Variants in TNFRSF1B observed in about 807,000 individuals in gnomAD.
The protein encoded by TNFRSF1B is tumor necrosis factor receptor superfamily member 1B.
A neutral mutation model predicts 44.6 loss-of-function variants in TNFRSF1B; 19 were observed. That is an observed-to-expected ratio of 0.43 (90% CI 0.30 to 0.62). TNFRSF1B has a LOEUF of 0.62. Among genes scored for constraint, TNFRSF1B ranks in the 20% least tolerant of loss-of-function variants. TNFRSF1B has a pLI of 0.16. For missense variants in TNFRSF1B, 541 were observed against 619.9 expected (o/e 0.87, Z 1.35); for synonymous variants, 252 against 261.1 (o/e 0.97, Z 0.34).
At chr1:12,174,193 T>C (rs1638595690) in intron 1 of TNFRSF1B, among the ~76,000 whole-genome samples, 1 of 116,880 alleles carries the variant, frequency 8.6e-6, no homozygotes, top group Non-Finnish European at 1.8e-5. Context: ...TCCTTCTCCT[T>C]CTCCTTCTCC....
At chr1:12,193,196 G>A (rs1639189997) in intron 6 of TNFRSF1B, 98 bp downstream of exon 6, 2 of 1,126,606 alleles carry the variant, frequency 1.8e-6, no homozygotes, top group Non-Finnish European at 2.6e-6. Flanking sequence ...AGCCCACGGG[G>A]GGCTGGACCC....
intron 3 of TNFRSF1B, 87 bp from the exon 4 acceptor site, chr1:12,191,687 C>T (rs1472615424): frequency 6.4e-7 from 1 of 1,563,066 alleles, no homozygotes; most frequent in Non-Finnish European, 8.7e-7. Context: ...TGGAGATCCG[C>T]TGTCTGAGAG....
chr1:12,173,604 G>A (rs1248423838), intron 1 of TNFRSF1B, among the ~76,000 whole-genome samples: 1 of 152,178 alleles, frequency 6.6e-6, no homozygotes, highest in Non-Finnish European at 1.5e-5. Context: ...CCTTACTGTA[G>A]GCAGGCGCTG....
At chr1:12,167,764 C>T (rs111314380) in intron 1 of TNFRSF1B, among the ~76,000 whole-genome samples, 5 of 152,318 alleles carry the variant, frequency 3.3e-5, no homozygotes, top group African/African-American at 1.2e-4. Context: ...TCCTCCGATG[C>T]GTCCGGGGGC....
rs56143124 is a variant in TNFRSF1B, at chr1:12,189,759, C to T, written c.178+864C>T. Among the ~76,000 whole-genome samples, 1,178 of 152,180 alleles carry T rather than the reference C, an allele frequency of 7.7e-3. 18 individuals are homozygous for T. The highest frequency in any genetic ancestry group is 0.027 in the African/African-American group (1,113 of 41,518). On this transcript the variant is annotated intron_variant, in intron 2 of 9. Coordinates refer to ENST00000376259, the MANE Select transcript of TNFRSF1B (RefSeq NM_001066.3). ...TGTAGAAAGACAAGGTCAGGTAAGG[C>T]GGGGGAGACAGAACGGGACATACTG...
At chr1:12,176,309 T>G (rs930251848) in intron 1 of TNFRSF1B, among the ~76,000 whole-genome samples, 24 of 152,326 alleles carry the variant, frequency 1.6e-4, no homozygotes, top group Admixed American at 9.2e-4. Context: ...AAAGGTTTGT[T>G]GGGGACAGTG....
chr1:12,193,164 C>T (rs760848007), intron 6 of TNFRSF1B, 66 bp downstream of exon 6: 1 of 1,427,060 alleles, frequency 7.0e-7, no homozygotes, highest in Non-Finnish European at 9.7e-7. Context: ...TCTCTTTCTT[C>T]CTCTCCCATG....
Position 12,171,540 on chromosome 1 carries a change from C to T in TNFRSF1B, c.78+4371C>T, listed in dbSNP as rs1638523877. 6.6e-6 allele frequency among the ~76,000 whole-genome samples: 1 copy of T among 152,210 alleles called. No individual in the cohort carries two copies. Among genetic ancestry groups the T allele is most frequent in the Non-Finnish European group, 1.5e-5 (1 of 68,044 alleles). ...CTGCTTTGTATTCCTGTATAATGCT[C>T]TTGACCTATTCTATTTATTTCACTT... On this transcript the variant is annotated intron_variant, in intron 1 of 9. Coordinates refer to ENST00000376259, the MANE Select transcript of TNFRSF1B (RefSeq NM_001066.3). This position sits in a 1 kb window ranked among gnomAD's most constrained non-coding sequence, Gnocchi z 4.5.
intron 9 of TNFRSF1B, among the ~76,000 whole-genome samples, chr1:12,203,783 T>C (rs1272862373): frequency 6.6e-6 from 1 of 152,178 alleles, no homozygotes; most frequent in Non-Finnish European, 1.5e-5. Context: ...AGTGGCGCAG[T>C]CTTGGCTGAC....
At position 12,188,907 on chromosome 1, in the gene TNFRSF1B, CA is replaced by C. The variant is rs112131423; in HGVS notation, c.178+13del. On this transcript the variant is annotated intron_variant, in intron 2 of 9. Transcript: ENST00000376259. Reference sequence around the variant, plus strand: ...CAAATGCTCGCCGGGTGAGGGCAGCCACGGGGGCACTCGGGGCCCATGCCCT... The same window carrying C: ...CAAATGCTCGCCGGGTGAGGGCAGCCCGGGGGCACTCGGGGCCCATGCCCT... 137 of 1,611,060 alleles carry C rather than the reference CA, an allele frequency of 8.5e-5. No individual in the cohort carries two copies. In the African/African-American group the frequency reaches 1.4e-3, roughly 17 times the overall value.
chr1:12,207,268 C>T lies in TNFRSF1B; in HGVS notation c.*248C>T, dbSNP rs114236595. On this transcript the variant is annotated 3_prime_UTR_variant, in exon 10 of 10. Transcript: ENST00000376259. ...TCTCGGAAGGCTGGCTGGGCATGGA[C>T]GTTCGGGGCATGCTGGGGCAAGTCC... The T allele has an allele frequency of 2.4e-5, 10 of 416,744 alleles. No individual in the cohort carries two copies. The highest frequency in any genetic ancestry group is 8.1e-5 in the African/African-American group (4 of 49,352). The allele number at this position is 416,744 out of a possible 1,614,324, so 25.8% of individuals were successfully genotyped here. A position where few individuals can be genotyped will look rare whatever the true frequency, so the allele number is the denominator to read the frequency against.
chr1:12,175,725 T>C (rs1216591375), intron 1 of TNFRSF1B, among the ~76,000 whole-genome samples: 9 of 152,258 alleles, frequency 5.9e-5, no homozygotes, highest in Admixed American at 3.3e-4. Flanking sequence ...TCCCACCCCT[T>C]GGCTCAATTT....
rs61185238 is a variant in TNFRSF1B at position 12,171,176 on chromosome 1, CTTTT to C, written c.78+4021_78+4024del. Reference sequence around the variant, plus strand: ...TGCCACCATGCCCGGCTAATTTTTCCTTTTTTTTTTTTTTTTTAGTAGAGACCGG... The same window carrying C: ...TGCCACCATGCCCGGCTAATTTTTCCTTTTTTTTTTTTTAGTAGAGACCGG... On this transcript the variant is annotated intron_variant, in intron 1 of 9. Transcript: ENST00000376259. This position sits in a 1 kb window ranked among gnomAD's most constrained non-coding sequence, Gnocchi z 4.5. Among the ~76,000 whole-genome samples the C allele has an allele frequency of 1.5e-5, 2 of 137,422 alleles. No individual in the cohort carries two copies. The highest frequency in any genetic ancestry group is 1.6e-5 in the Non-Finnish European group (1 of 62,820). 90.2% of individuals were successfully genotyped at this position (137,422 alleles called of 152,430 possible).
At chr1:12,174,122 T>TTTCTTCTTCTTCTTCTTC (rs541359943) in intron 1 of TNFRSF1B, among the ~76,000 whole-genome samples, 718 of 66,738 alleles carry the variant, frequency 0.011, 50 homozygotes, top group South Asian at 0.017. Flanking sequence ...TGAGACTCCA[T>TTTCTTCTTCTTCTTCTTC]TTCTTCTTCT....
intron 1 of TNFRSF1B, among the ~76,000 whole-genome samples, chr1:12,183,032 C>T (rs943391249): frequency 1.2e-3 from 186 of 152,364 alleles, no homozygotes; most frequent in African/African-American, 4.3e-3. Context: ...ACTGCTTTGT[C>T]TCCCTGAGCA....
In TNFRSF1B at chr1:12,205,005, G is replaced by A. The variant is rs190427286; in HGVS notation, c.1106-1735G>A. Among the ~76,000 whole-genome samples the A allele has an allele frequency of 2.0e-3, 308 of 151,600 alleles. 1 individual carries two copies. Among genetic ancestry groups the A allele is most frequent in the Middle Eastern group, 6.8e-3 (2 of 294 alleles). On this transcript the variant is annotated intron_variant, in intron 9 of 9. Coordinates refer to ENST00000376259, the MANE Select transcript of TNFRSF1B (RefSeq NM_001066.3). ...GCCTGGGCAACATAGCAAGACCCCC[G>A]TCTCTACTAAAAAAATAAAAAAAAA...
intron 1 of TNFRSF1B, among the ~76,000 whole-genome samples, chr1:12,176,915 T>C (rs547148679): frequency 6.6e-6 from 1 of 152,014 alleles, no homozygotes; most frequent in Non-Finnish European, 1.5e-5. Flanking sequence ...GTGAGGAGCA[T>C]GCTCTCTCCA....
rs1639577072 is a variant in TNFRSF1B, at chr1:12,209,152, C to G, written c.*2132C>G. The G allele has an allele frequency of 6.6e-6, 1 of 151,950 alleles. No homozygotes were observed. Among genetic ancestry groups the G allele is most frequent in the East Asian group, 1.9e-4 (1 of 5,190 alleles). 9.4% of individuals were successfully genotyped at this position (151,950 alleles called of 1,614,324 possible). On this transcript the variant is annotated 3_prime_UTR_variant, in exon 10 of 10. Coordinates refer to ENST00000376259, the MANE Select transcript of TNFRSF1B (RefSeq NM_001066.3). ...GTTCCCTTGTGTGTGTGTGTTGATC[C>G]CAAGACAATGAAAGTTTGCACTGTA...
intron 8 of TNFRSF1B, among the ~76,000 whole-genome samples, chr1:12,197,193 C>G (rs1040868320): frequency 6.6e-6 from 1 of 152,122 alleles, no homozygotes; most frequent in Admixed American, 6.5e-5. Flanking sequence ...AGTGATCTGC[C>G]CACCTCGGTC....
Sources: allele counts gnomAD v4.1 joint callset (sites outside exome capture counted in the v4.1 genomes callset), GRCh38; gene constraint gnomAD v4.1.1; non-coding constraint Gnocchi (gnomAD v3.1); transcripts MANE v1.5; gene names NCBI Gene and HGNC (gene_info 2026-07-23, HGNC 2026-07-21).